RBPJ: variants seen among roughly 807,000 people sequenced by gnomAD.
RBPJ encodes the protein recombining binding protein suppressor of hairless.
Under a neutral mutation model 67.8 loss-of-function variants are expected in RBPJ, and 9 were observed. The ratio of observed to expected loss-of-function variants is 0.13; its 90% CI spans 0.08 to 0.23. RBPJ has a LOEUF of 0.23. RBPJ is among the 10% of genes least tolerant of loss of function. RBPJ has a pLI of 1.00. For synonymous variants in RBPJ, 198 were observed against 203.3 expected, an observed-to-expected ratio of 0.97 and a Z score of 0.22; for missense variants, 305 against 595.6, an observed-to-expected ratio of 0.51 and a Z score of 5.08.
intron 1 of RBPJ, among the ~76,000 whole-genome samples, chr4:26,303,734 A>G (rs1722151057): frequency 6.6e-6 from 1 of 152,140 alleles, no homozygotes; most frequent in African/African-American, 2.4e-5. Flanking sequence ...GCTTGAGCCC[A>G]GGAGTTGGAG....
chr4:26,312,427 G>A (rs115094901), intron 1 of RBPJ, among the ~76,000 whole-genome samples: 7,260 of 152,034 alleles, frequency 0.048, 238 homozygotes, highest in East Asian at 0.072. Flanking sequence ...CACCATGCCC[G>A]GCCACCAGGG....
chr4:26,119,244 C>A, the RBPJ span, among the ~76,000 whole-genome samples: 103 of 152,256 alleles, frequency 6.8e-4, no homozygotes, highest in African/African-American at 2.3e-3. Context: ...TGTCTCATTT[C>A]TCTGACACAG....
At chr4:26,378,899 G>A (rs1236474290) in intron 1 of RBPJ, among the ~76,000 whole-genome samples, 1 of 152,042 alleles carries the variant, frequency 6.6e-6, no homozygotes. Flanking sequence ...AATGGTGGGT[G>A]CCTGTAATCC....
intron 1 of RBPJ, among the ~76,000 whole-genome samples, chr4:26,382,099 A>G (rs772712469): frequency 1.3e-5 from 2 of 152,158 alleles, no homozygotes; most frequent in Non-Finnish European, 2.9e-5. Context: ...TTACATAATA[A>G]TTGCCTATAC....
At chr4:26,329,763 A>G (rs552701816) in intron 1 of RBPJ, among the ~76,000 whole-genome samples, 94 of 152,104 alleles carry the variant, frequency 6.2e-4, no homozygotes, top group African/African-American at 2.2e-3. Context: ...GCGTGTTGGC[A>G]GGCGCCTGTA....
At chr4:26,234,489 C>T (rs1220306244) in intron 1 of RBPJ, among the ~76,000 whole-genome samples, 2 of 152,136 alleles carry the variant, frequency 1.3e-5, no homozygotes, top group Admixed American at 6.6e-5. Flanking sequence ...CCCCAGATAA[C>T]CACAGGCTCA....
rs1321280912 is a variant in RBPJ, at chr4:26,387,582, TG to T, written c.59+1194del. On this transcript the variant is annotated intron_variant, in intron 2 of 10. Coordinates refer to ENST00000355476, the MANE Select transcript of RBPJ (RefSeq NM_015874.6). Reference sequence around the variant, plus strand: ...GAAGGATAAGTGATTCCTGAGAAACTGGGAGTCCACAGAGGGCAAGACAGTT... The same window carrying T: ...GAAGGATAAGTGATTCCTGAGAAACTGGAGTCCACAGAGGGCAAGACAGTT... Among the ~76,000 whole-genome samples the T allele has an allele frequency of 2.2e-4, 34 of 152,224 alleles. No homozygotes were observed. In the East Asian group the frequency reaches 5.4e-3, roughly 24 times the overall value.
chr4:26,267,794 G>T (rs1560236531), intron 1 of RBPJ, among the ~76,000 whole-genome samples: 1 of 151,882 alleles, frequency 6.6e-6, no homozygotes, highest in Non-Finnish European at 1.5e-5. Flanking sequence ...TTGTAGTAGA[G>T]ATGGGGTTTC....
intron 2 of RBPJ, among the ~76,000 whole-genome samples, chr4:26,401,655 G>A (rs1005030711): frequency 1.3e-5 from 2 of 152,122 alleles, no homozygotes; most frequent in Non-Finnish European, 2.9e-5. Flanking sequence ...GTCTATTTGG[G>A]AAGACAAGAA....
At chr4:26,422,955 G>A (rs1052389661) in intron 5 of RBPJ, among the ~76,000 whole-genome samples, 3 of 152,134 alleles carry the variant, frequency 2.0e-5, no homozygotes, top group African/African-American at 7.2e-5. Context: ...TTTATATTGT[G>A]ATATGTCCTT....
chr4:26,191,761 C>T (rs1717560562), intron 1 of RBPJ, among the ~76,000 whole-genome samples: 1 of 152,136 alleles, frequency 6.6e-6, no homozygotes, highest in African/African-American at 2.4e-5. Context: ...GTCATAAAGG[C>T]ACTCTTTGCC....
intron 1 of RBPJ, among the ~76,000 whole-genome samples, chr4:26,251,559 A>T (rs543841733): frequency 6.6e-6 from 1 of 150,708 alleles, no homozygotes; most frequent in African/African-American, 2.4e-5. Flanking sequence ...TTGCTTGAAC[A>T]TGGGAGGTGG....
chr4:26,220,418 A>G (rs1718862864), intron 1 of RBPJ, among the ~76,000 whole-genome samples: 2 of 152,296 alleles, frequency 1.3e-5, no homozygotes, highest in South Asian at 4.1e-4. Context: ...AATTTGTTTA[A>G]TTTACCAAAT....
At chr4:26,425,362 AAGG>A (rs1253500947) in intron 7 of RBPJ, among the ~76,000 whole-genome samples, 2 of 152,040 alleles carry the variant, frequency 1.3e-5, no homozygotes, top group Non-Finnish European at 2.9e-5. Context: ...AAGGCAGGAG[AAGG>A]AGAAGTGACT....
intron 1 of RBPJ, among the ~76,000 whole-genome samples, chr4:26,305,671 C>A (rs564187652): frequency 1.3e-5 from 2 of 149,156 alleles, no homozygotes; most frequent in South Asian, 4.3e-4. Flanking sequence ...ATATAGAATA[C>A]AATTTTTTTA....
intron 1 of RBPJ, among the ~76,000 whole-genome samples, chr4:26,307,032 A>C (rs956666553): frequency 1.3e-5 from 2 of 152,180 alleles, no homozygotes; most frequent in Admixed American, 6.5e-5. Flanking sequence ...ATCAGTTTAT[A>C]ATAATAAAAA....
intron 5 of RBPJ, 110 bp downstream of exon 5, chr4:26,420,835 AT>A: frequency 1.2e-6 from 1 of 833,124 alleles, no homozygotes; most frequent in Non-Finnish European, 1.8e-6. Context: ...CTTTACTAAT[AT>A]TTTTGTGGCC....
intron 1 of RBPJ, among the ~76,000 whole-genome samples, chr4:26,211,542 T>A (rs1718421685): frequency 6.6e-6 from 1 of 152,186 alleles, no homozygotes; most frequent in Non-Finnish European, 1.5e-5. Flanking sequence ...GTTTTTAATA[T>A]ATTCATAAAG....
intron 1 of RBPJ, among the ~76,000 whole-genome samples, chr4:26,326,609 G>C (rs1189436733): frequency 6.6e-6 from 1 of 152,100 alleles, no homozygotes; most frequent in Admixed American, 6.5e-5. Flanking sequence ...ATTTCTTTAA[G>C]CTTCAGGTTC....
Sources: gnomAD v4.1 joint callset for allele counts (sites outside exome capture counted in the v4.1 genomes callset) on GRCh38, gnomAD v4.1.1 for gene constraint, MANE v1.5 for transcripts, NCBI Gene and HGNC (gene_info 2026-07-23, HGNC 2026-07-21) for gene names.